PLEKHG1: variants seen among roughly 807,000 people sequenced by gnomAD.
PLEKHG1 encodes pleckstrin homology domain-containing family G member 1.
Under a neutral mutation model 100.8 loss-of-function variants are expected in PLEKHG1, and 44 were observed. That is an observed-to-expected ratio of 0.44 (90% CI 0.34 to 0.56). The LOEUF is 0.56. Ranked by LOEUF, PLEKHG1 falls within the 20% of genes least tolerant of loss-of-function variation. The pLI is 0.01. For missense variants in PLEKHG1, 1,545 were observed against 1,720.9 expected (o/e 0.90, Z 1.81); for synonymous variants, 640 against 662.5 (o/e 0.97, Z 0.52).
intron 1 of PLEKHG1, among the ~76,000 whole-genome samples, chr6:150,621,160 A>T (rs1194538986): frequency 6.6e-6 from 1 of 152,138 alleles, no homozygotes; most frequent in Admixed American, 6.5e-5. Context: ...TGACAAGTAG[A>T]AGTAGTAGGA....
At chr6:150,800,648 A>C in intron 5 of PLEKHG1, 71 bp from the exon 7 acceptor site, 1 of 1,415,606 alleles carries the variant, frequency 7.1e-7, no homozygotes, top group Non-Finnish European at 9.9e-7. Context: ...TTACACTTGC[A>C]ATAGCATTTA....
chr6:150,741,203 A>G (rs539987204), intron 2 of PLEKHG1, among the ~76,000 whole-genome samples: 1 of 152,330 alleles, frequency 6.6e-6, no homozygotes, highest in South Asian at 2.1e-4. Flanking sequence ...GACCAATGAA[A>G]ACAGTTCAAG....
At chr6:150,733,234 AC>A (rs147442603) in intron 1 of PLEKHG1, among the ~76,000 whole-genome samples, 2,363 of 152,250 alleles carry the variant, frequency 0.016, 78 homozygotes, top group African/African-American at 0.054. Flanking sequence ...GTGAATCTAG[AC>A]TGATTTGCAT....
intron 2 of PLEKHG1, among the ~76,000 whole-genome samples, chr6:150,739,011 G>A (rs927420256): frequency 1.3e-5 from 2 of 152,112 alleles, no homozygotes; most frequent in African/African-American, 2.4e-5. Flanking sequence ...GACTGGGCAC[G>A]GGCTGTCAGG....
chr6:150,810,066 C>G (rs1192840591), intron 10 of PLEKHG1, among the ~76,000 whole-genome samples: 3 of 151,970 alleles, frequency 2.0e-5, no homozygotes, highest in African/African-American at 7.2e-5. Flanking sequence ...GAGGCCAAGG[C>G]AGGTGGAACA....
At chr6:150,697,335 G>A (rs914626549) in intron 3 of PLEKHG1, among the ~76,000 whole-genome samples, 9 of 152,210 alleles carry the variant, frequency 5.9e-5, no homozygotes, top group Non-Finnish European at 4.4e-5. Flanking sequence ...GGAGAGAGCA[G>A]TGAGCTTGGA....
upstream of PLEKHG1, among the ~76,000 whole-genome samples, chr6:150,718,384 T>C (rs371551238): frequency 2.6e-5 from 4 of 151,824 alleles, no homozygotes; most frequent in African/African-American, 9.7e-5. Flanking sequence ...CTTAAGAAAA[T>C]ACTGAAGTGT....
At chr6:150,671,510 A>T (rs1029118230) in intron 3 of PLEKHG1, among the ~76,000 whole-genome samples, 8 of 152,216 alleles carry the variant, frequency 5.3e-5, no homozygotes, top group African/African-American at 1.9e-4. Context: ...CAAGTCAGAA[A>T]TCACTTGCTC....
Position 150,840,128 on chromosome 6 carries a change from T to A in PLEKHG1, c.3390T>A (p.Pro1130=), listed in dbSNP as rs73615058. Reference sequence around the variant, plus strand: ...AATTGTCCGCAGCTTGCTCTGTGCCTTCTCTTCAAACCTCTGACCCTCTGC... The same window carrying A: ...AATTGTCCGCAGCTTGCTCTGTGCCATCTCTTCAAACCTCTGACCCTCTGC... The change falls in exon 16 of 16, where the codon CCT becomes CCA. Residue 1130 remains proline (P), a synonymous_variant. Transcript: ENST00000358517. 3.7e-4 allele frequency: 603 copies of A among 1,614,214 alleles called. 1 individual carries two copies. The African/African-American group carries it at 7.6e-3, about 20-fold the overall frequency.
At position 150,798,653 on chromosome 6, in the gene PLEKHG1, G is replaced by T. The variant is rs114268727; in HGVS notation, c.630-2066G>T. On this transcript the variant is annotated intron_variant, in intron 5 of 15. Coordinates refer to ENST00000358517, the Ensembl canonical transcript of PLEKHG1. ...ACTAAATGCAATGGTGGAAGAGCAT[G>T]TTCTGGAAGATCAAATAAATATAAA... Among the ~76,000 whole-genome samples the T allele has an allele frequency of 7.2e-3, 1,092 of 152,342 alleles. 14 individuals carry two copies. The highest frequency in any genetic ancestry group is 0.025 in the African/African-American group (1,041 of 41,564).
At position 150,785,306 on chromosome 6, in the gene PLEKHG1, A is replaced by G. The variant is rs572539351; in HGVS notation, c.513-1084A>G. On this transcript the variant is annotated intron_variant, in intron 3 of 15. Coordinates refer to ENST00000358517, the Ensembl canonical transcript of PLEKHG1. Reference sequence around the variant, plus strand: ...GTAGAACTACTTCACTTTTTATTAAATATATAGCATATGACTCATTAAAAT... The same window carrying G: ...GTAGAACTACTTCACTTTTTATTAAGTATATAGCATATGACTCATTAAAAT... 1.5e-3 allele frequency among the ~76,000 whole-genome samples: 221 copies of G among 152,286 alleles called. No individual in the cohort carries two copies. The Middle Eastern group carries it at 0.024, about 16-fold the overall frequency.
chr6:150,608,922 C>A (rs1450705797), intron 1 of PLEKHG1, among the ~76,000 whole-genome samples: 1 of 152,078 alleles, frequency 6.6e-6, no homozygotes, highest in African/African-American at 2.4e-5. Context: ...GCATCTAGTA[C>A]AAAGGAAGCC....
At chr6:150,803,736 G>A (rs1405067718) in intron 6 of PLEKHG1, among the ~76,000 whole-genome samples, 1 of 152,082 alleles carries the variant, frequency 6.6e-6, no homozygotes, top group African/African-American at 2.4e-5. Context: ...GTGCTAAAAT[G>A]TCTACTTGCT....
intron 2 of PLEKHG1, among the ~76,000 whole-genome samples, chr6:150,736,329 A>G (rs1450459801): frequency 1.3e-5 from 2 of 152,260 alleles, no homozygotes; most frequent in Admixed American, 6.5e-5. Flanking sequence ...ATAAGATAGC[A>G]TAAAAAGCTC....
intron 2 of PLEKHG1, among the ~76,000 whole-genome samples, chr6:150,763,190 G>T (rs1784273453): frequency 6.6e-6 from 1 of 151,802 alleles, no homozygotes; most frequent in African/African-American, 2.4e-5. Flanking sequence ...ACCACACTTG[G>T]CTAATATTTT....
At chr6:150,810,178 A>C (rs75754868) in intron 10 of PLEKHG1, among the ~76,000 whole-genome samples, 3,523 of 151,780 alleles carry the variant, frequency 0.023, 145 homozygotes, top group East Asian at 0.16. Context: ...ACGCACCTGT[A>C]GTCCCAGTTA....
rs536594991 is a variant in PLEKHG1 at position 150,723,572 on chromosome 6, T to C, written c.-99+2372T>C. ...GTTCAACTTTGAGCATGATGTTATA[T>C]AATCTCTGCTTTTTTTTCCCCATCT... On this transcript the variant is annotated intron_variant, in intron 1 of 15. Transcript: ENST00000358517. Among the ~76,000 whole-genome samples, 5 of 152,328 alleles carry C rather than the reference T, an allele frequency of 3.3e-5. No homozygotes were observed. In the South Asian group the frequency reaches 8.3e-4, roughly 25 times the overall value.
At chr6:150,787,772 C>T (rs1292193319) in intron 4 of PLEKHG1, among the ~76,000 whole-genome samples, 1 of 152,056 alleles carries the variant, frequency 6.6e-6, no homozygotes, top group East Asian at 1.9e-4. Context: ...AATCCATGGG[C>T]TTATATGTAA....
intron 3 of PLEKHG1, among the ~76,000 whole-genome samples, chr6:150,701,181 G>A (rs1451016243): frequency 6.6e-6 from 1 of 151,106 alleles, no homozygotes; most frequent in Non-Finnish European, 1.5e-5. Context: ...TTAGCCAGGT[G>A]TGGTGGTGGG....
Sources: gnomAD v4.1 joint callset for allele counts (sites outside exome capture counted in the v4.1 genomes callset) on GRCh38, gnomAD v4.1.1 for gene constraint, MANE v1.5 for transcripts, NCBI Gene and HGNC (gene_info 2026-07-23, HGNC 2026-07-21) for gene names.